The following NAPG variants were observed in gnomAD, a reference collection of about 807,000 sequenced individuals.
NAPG encodes gamma-soluble NSF attachment protein.
A neutral mutation model predicts 48.4 loss-of-function variants in NAPG; 25 were observed. That is an observed-to-expected ratio of 0.52 (90% CI 0.38 to 0.72). The LOEUF (loss-of-function observed/expected upper bound fraction) is 0.72, where lower values mean the gene tolerates loss of function less well. NAPG is among the 30% of genes least tolerant of loss of function. The pLI is 0.00. For missense variants in NAPG, 359 were observed against 372.5 expected, an observed-to-expected ratio of 0.96 and a Z score of 0.30; for synonymous variants, 139 against 127.2, an observed-to-expected ratio of 1.09 and a Z score of -0.62.
Position 10,552,409 on chromosome 18 carries a change from C to T in NAPG, c.*2189C>T, listed in dbSNP as rs566537526. On this transcript the variant is annotated 3_prime_UTR_variant, in exon 12 of 12. Transcript: ENST00000322897. ...TTTATACATTTTCTTTTTCCACTCACGTAAGTTTCTATCTTGAGAGCATAG... is the reference window on the plus strand; with the variant it reads ...TTTATACATTTTCTTTTTCCACTCATGTAAGTTTCTATCTTGAGAGCATAG... 1.8e-4 allele frequency: 28 copies of T among 152,300 alleles called. No homozygotes were observed. Among genetic ancestry groups the T allele is most frequent in the African/African-American group, 1.2e-4 (5 of 41,546 alleles). 9.4% of individuals were successfully genotyped at this position (152,300 alleles called of 1,614,324 possible).
rs1598411774 is a variant in NAPG at position 10,542,299 on chromosome 18, T to A, written c.506+1900T>A. On this transcript the variant is annotated intron_variant, in intron 8 of 11. Transcript: ENST00000322897. This position sits in a 1 kb window ranked among gnomAD's most constrained non-coding sequence, Gnocchi z 4.5. ...TCTACTGTGCTCAACAAAAATGTTATGGAAATATATTTTTGAAGTGTATTA... is the reference window on the plus strand; with the variant it reads ...TCTACTGTGCTCAACAAAAATGTTAAGGAAATATATTTTTGAAGTGTATTA... 6.6e-6 allele frequency among the ~76,000 whole-genome samples: 1 copy of A among 152,124 alleles called. No individual in the cohort carries two copies. The highest frequency in any genetic ancestry group is 2.1e-4 in the South Asian group (1 of 4,826).
At chr18:10,530,631 G>T in intron 1 of NAPG, 139 bp from the exon 2 acceptor site, 1 of 486,642 alleles carries the variant, frequency 2.1e-6, no homozygotes, top group Non-Finnish European at 3.5e-6. Flanking sequence ...TTTGGATGGA[G>T]GCGGGTGACA....
intron 5 of NAPG, among the ~76,000 whole-genome samples, chr18:10,535,121 TA>T (rs1598410015): frequency 1.3e-5 from 2 of 152,226 alleles, no homozygotes; most frequent in African/African-American, 4.8e-5. Flanking sequence ...CTTTCTTTTT[TA>T]AAAATGTTTT....
At position 10,534,613 on chromosome 18, in the gene NAPG, G is replaced by A; in HGVS notation, c.258+117G>A. The A allele has an allele frequency of 1.1e-6, 1 of 898,750 alleles. No individual in the cohort carries two copies. The highest frequency in any genetic ancestry group is 1.8e-6 in the Non-Finnish European group (1 of 552,236). The allele number at this position is 898,750 out of a possible 1,614,324, so 55.7% of individuals were successfully genotyped here. ...CTTACTGTAAGGCAAGAGGTGCTAAGTTAAGATTTTCTGTCCACGGTAACG... is the reference window on the plus strand; with the variant it reads ...CTTACTGTAAGGCAAGAGGTGCTAAATTAAGATTTTCTGTCCACGGTAACG... On this transcript the variant is annotated intron_variant, in intron 5 of 11. Transcript: ENST00000322897. The surrounding 1 kb of genome is among the most constrained non-coding windows in gnomAD (Gnocchi z 5.0).
intron 5 of NAPG, among the ~76,000 whole-genome samples, chr18:10,536,861 A>G (rs1271868053): frequency 6.6e-6 from 1 of 151,662 alleles, no homozygotes; most frequent in Non-Finnish European, 1.5e-5. Context: ...AATACAGTTG[A>G]CCCTTGAACT....
rs575023209 is a variant in NAPG, at chr18:10,543,101, C to T, written c.506+2702C>T. On this transcript the variant is annotated intron_variant, in intron 8 of 11. Coordinates refer to ENST00000322897, the MANE Select transcript of NAPG (RefSeq NM_003826.3). This position sits in a 1 kb window ranked among gnomAD's most constrained non-coding sequence, Gnocchi z 4.4. Reference sequence around the variant, plus strand: ...CGGGAGGCTGGAGAATCGCTTGAACCCAGGAGGCACAGGTTGCAGTGAGAC... The same window carrying T: ...CGGGAGGCTGGAGAATCGCTTGAACTCAGGAGGCACAGGTTGCAGTGAGAC... Among the ~76,000 whole-genome samples the T allele has an allele frequency of 1.2e-4, 18 of 151,002 alleles. No homozygotes were observed. The highest frequency in any genetic ancestry group is 4.1e-4 in the African/African-American group (17 of 41,042).
At position 10,548,355 on chromosome 18, in the gene NAPG, A is replaced by C; in HGVS notation, c.642A>C (p.Glu214Asp). The C allele has an allele frequency of 6.2e-7, 1 of 1,613,716 alleles. No individual in the cohort carries two copies. Among genetic ancestry groups the C allele is most frequent in the Non-Finnish European group, 8.5e-7 (1 of 1,179,654 alleles). The change falls in exon 10 of 12, where the codon GAA becomes GAC. Residue 214 changes from glutamate to aspartate, a missense_variant. Physicochemically the swap from Glu to Asp is conservative, Grantham distance 45. Transcript: ENST00000322897. The surrounding 1 kb of genome is among the most constrained non-coding windows in gnomAD (Gnocchi z 4.4). ...ACAGAAATGACTATGTAGCTGCAGA[A>C]AGATGTGTCCGGGAGAGCTATAGGT... ...HLHRNDYVAA[E>D]RCVRESYSIP...
At position 10,548,391 on chromosome 18, in the gene NAPG, C is replaced by T; in HGVS notation, c.665+13C>T. On this transcript the variant is annotated intron_variant, in intron 10 of 11. Coordinates refer to ENST00000322897, the MANE Select transcript of NAPG (RefSeq NM_003826.3). This position sits in a 1 kb window ranked among gnomAD's most constrained non-coding sequence, Gnocchi z 4.4. ...GGGAGAGCTATAGGTAAGACGTTGT[C>T]TGGGCCCTCTTGACTTGCAGTGGCG... 4 of 1,607,462 alleles carry T rather than the reference C, an allele frequency of 2.5e-6. No homozygotes were observed. The highest frequency in any genetic ancestry group is 2.6e-6 in the Non-Finnish European group (3 of 1,174,114).
chr18:10,534,367 A>G lies in NAPG; in HGVS notation c.228-99A>G. 1.1e-6 allele frequency: 1 copy of G among 903,630 alleles called. No homozygotes were observed. Among genetic ancestry groups the G allele is most frequent in the Non-Finnish European group, 1.8e-6 (1 of 547,802 alleles). The allele number at this position is 903,630 out of a possible 1,614,324, so 56.0% of individuals were successfully genotyped here. ...ATATGTTGTGCATGAGCCCATTGTA[A>G]TTGAAGTCACTTTCCTTACCAGTAG... On this transcript the variant is annotated intron_variant, in intron 4 of 11. Transcript: ENST00000322897. This position sits in a 1 kb window ranked among gnomAD's most constrained non-coding sequence, Gnocchi z 5.0.
rs868428687 is a variant in NAPG, at chr18:10,546,005, G to A, written c.507-321G>A. ...ATCTTGGGTGATTTAATCGAAGATC[G>A]TCTCAAGTACGTATCACGAAGAAGT... On this transcript the variant is annotated intron_variant, in intron 8 of 11. Coordinates refer to ENST00000322897, the MANE Select transcript of NAPG (RefSeq NM_003826.3). This position sits in a 1 kb window ranked among gnomAD's most constrained non-coding sequence, Gnocchi z 4.0. 8.5e-5 allele frequency among the ~76,000 whole-genome samples: 13 copies of A among 152,180 alleles called. No individual in the cohort carries two copies. The highest frequency in any genetic ancestry group is 2.0e-4 in the Admixed American group (3 of 15,278).
chr18:10,535,954 G>A (rs1385951517), intron 5 of NAPG, among the ~76,000 whole-genome samples: 2 of 152,158 alleles, frequency 1.3e-5, no homozygotes, highest in Non-Finnish European at 2.9e-5. Flanking sequence ...AGAAGCTGGG[G>A]ATCTGCTCTG....
Position 10,539,642 on chromosome 18 carries a change from C to T in NAPG, c.259-120C>T, listed in dbSNP as rs2032105652. The T allele has an allele frequency of 5.0e-6, 4 of 794,452 alleles. No homozygotes were observed. Among genetic ancestry groups the T allele is most frequent in the African/African-American group, 3.5e-5 (2 of 57,772 alleles). The allele number at this position is 794,452 out of a possible 1,614,324, so 49.2% of individuals were successfully genotyped here. A position where few individuals can be genotyped will look rare whatever the true frequency, so the allele number is the denominator to read the frequency against. ...CATGTATACCTATGTAACAAACCTGCACATTCTGCACATGTGTCCCAGAAC... is the reference window on the plus strand; with the variant it reads ...CATGTATACCTATGTAACAAACCTGTACATTCTGCACATGTGTCCCAGAAC... On this transcript the variant is annotated intron_variant, in intron 5 of 11. Transcript: ENST00000322897. This position sits in a 1 kb window ranked among gnomAD's most constrained non-coding sequence, Gnocchi z 4.7.
intron 5 of NAPG, among the ~76,000 whole-genome samples, chr18:10,537,114 G>T (rs529929406): frequency 1.3e-5 from 2 of 152,116 alleles, no homozygotes; most frequent in South Asian, 4.2e-4. Flanking sequence ...ATGTCACCAT[G>T]CCCTGCTAAT....
chr18:10,549,246 C>A, intron 11 of NAPG, 150 bp downstream of exon 11: 2 of 870,968 alleles, frequency 2.3e-6, no homozygotes, highest in Non-Finnish European at 3.5e-6. Flanking sequence ...TGACCACTTG[C>A]ATTGAATTTC....
At chr18:10,538,463 A>G (rs1372871326) in intron 5 of NAPG, among the ~76,000 whole-genome samples, 1 of 152,258 alleles carries the variant, frequency 6.6e-6, no homozygotes, top group Non-Finnish European at 1.5e-5. Context: ...TGGATCAAGC[A>G]AAACACACTT....
intron 1 of NAPG, among the ~76,000 whole-genome samples, chr18:10,528,412 G>T (rs1338860670): frequency 6.6e-6 from 1 of 152,204 alleles, no homozygotes; most frequent in African/African-American, 2.4e-5. Flanking sequence ...TTCAGTGCTA[G>T]AATAGAAGTA....
intron 9 of NAPG, among the ~76,000 whole-genome samples, chr18:10,547,699 G>C (rs887174485): frequency 6.6e-6 from 1 of 152,128 alleles, no homozygotes; most frequent in Non-Finnish European, 1.5e-5. Flanking sequence ...ATCAGTAAAA[G>C]TTACCTAAAC....
In NAPG at chr18:10,532,759, G is replaced by A; in HGVS notation, c.173G>A (p.Cys58Tyr). ...AKQFEQAKDA[C>Y]LREAVAHENN... Reference sequence around the variant, plus strand: ...CAGTTTGAGCAAGCAAAAGATGCCTGCCTGAGGGAAGCTGTTGCCCATGAA... The same window carrying A: ...CAGTTTGAGCAAGCAAAAGATGCCTACCTGAGGGAAGCTGTTGCCCATGAA... The change falls in exon 3 of 12, where the codon TGC becomes TAC. Residue 58 changes from cysteine to tyrosine, a missense_variant. Cys to Tyr is a radical substitution (Grantham distance 194). Coordinates refer to ENST00000322897, the MANE Select transcript of NAPG (RefSeq NM_003826.3). 6.3e-7 allele frequency: 1 copy of A among 1,593,070 alleles called. No homozygotes were observed. Among genetic ancestry groups the A allele is most frequent in the Non-Finnish European group, 8.6e-7 (1 of 1,168,440 alleles).
At chr18:10,526,960 C>T (rs1237687546) in intron 1 of NAPG, among the ~76,000 whole-genome samples, 1 of 151,936 alleles carries the variant, frequency 6.6e-6, no homozygotes, top group Non-Finnish European at 1.5e-5. Context: ...GAGGCCGAGG[C>T]GGGCGGATCA....
Sources: gnomAD v4.1 joint callset for allele counts (sites outside exome capture counted in the v4.1 genomes callset) on GRCh38, gnomAD v4.1.1 for gene constraint, Gnocchi (gnomAD v3.1) non-coding constraint, MANE v1.5 for transcripts, NCBI Gene and HGNC (gene_info 2026-07-23, HGNC 2026-07-21) for gene names.